EYA1: variants seen among roughly 807,000 people sequenced by gnomAD.
The protein encoded by EYA1 is protein phosphatase EYA1.
A neutral mutation model predicts 82.0 loss-of-function variants in EYA1; 16 were observed. That is an observed-to-expected ratio of 0.20 (90% CI 0.13 to 0.30). The LOEUF is 0.30. EYA1 is among the 10% of genes least tolerant of loss of function. The probability of loss-of-function intolerance (pLI) is 1.00; values close to 1 mark genes in which losing one functional copy is unlikely to be tolerated. For missense variants in EYA1, 633 were observed against 730.7 expected (o/e 0.87, Z 1.54); for synonymous variants, 261 against 264.4 (o/e 0.99, Z 0.12).
intron 2 of EYA1, among the ~76,000 whole-genome samples, chr8:71,449,621 C>G (rs1038727840): frequency 2.0e-5 from 3 of 152,150 alleles, no homozygotes; most frequent in African/African-American, 7.2e-5. Flanking sequence ...CTTGAGAGCC[C>G]TGAGATTTTC....
intron 2 of EYA1, among the ~76,000 whole-genome samples, chr8:71,399,023 G>A (rs535172434): frequency 3.9e-5 from 6 of 152,242 alleles, no homozygotes; most frequent in Non-Finnish European, 8.8e-5. Flanking sequence ...CCTTGCTGCT[G>A]CCTTGCAGTT....
chr8:71,300,724 C>A (rs1820114006), intron 7 of EYA1, among the ~76,000 whole-genome samples: 1 of 152,070 alleles, frequency 6.6e-6, no homozygotes, highest in African/African-American at 2.4e-5. Context: ...AGCCCCAACT[C>A]CATAACAGGT....
At chr8:71,209,976 A>G (rs1237269346) in intron 17 of EYA1, among the ~76,000 whole-genome samples, 2 of 152,196 alleles carry the variant, frequency 1.3e-5, no homozygotes, top group African/African-American at 2.4e-5. Flanking sequence ...AATAGCTACC[A>G]TTTGTTGTAC....
At chr8:71,457,167 T>C (rs554718775) in intron 2 of EYA1, among the ~76,000 whole-genome samples, 15 of 152,252 alleles carry the variant, frequency 9.9e-5, no homozygotes, top group African/African-American at 2.9e-4. Context: ...AAAATGCTCA[T>C]CATCATTGGC....
chr8:71,513,965 C>G (rs1812786000), intron 2 of EYA1, among the ~76,000 whole-genome samples: 1 of 152,106 alleles, frequency 6.6e-6, no homozygotes, highest in African/African-American at 2.4e-5. Flanking sequence ...CAAGATCTCT[C>G]ATTCCTTTTT....
Position 71,361,701 on chromosome 8 carries a change from G to A in EYA1, c.-109C>T, listed in dbSNP as rs1304540368. On this transcript the variant is annotated 5_prime_UTR_variant, in exon 1 of 18. Transcript: ENST00000340726. ...TAATGTGTTCCTTCGAATTTTCTGG[G>A]TTAGCAAACCTCCATTCCTGACATA... 1.0e-6 allele frequency: 1 copy of A among 985,360 alleles called. No homozygotes were observed. Among genetic ancestry groups the A allele is most frequent in the Non-Finnish European group, 1.2e-6 (1 of 829,976 alleles). The allele number at this position is 985,360 out of a possible 1,614,324, so 61.0% of individuals were successfully genotyped here.
chr8:71,462,682 C>A (rs897753014), intron 2 of EYA1, among the ~76,000 whole-genome samples: 1 of 152,202 alleles, frequency 6.6e-6, no homozygotes, highest in African/African-American at 2.4e-5. Flanking sequence ...TCTCCCTGTG[C>A]CCTCCAGGCA....
intron 12 of EYA1, among the ~76,000 whole-genome samples, chr8:71,222,087 C>CTTT (rs757089600): frequency 6.6e-6 from 1 of 152,118 alleles, no homozygotes; most frequent in South Asian, 2.1e-4. Flanking sequence ...GTTCTAAAGC[C>CTTT]TTTTTCAGAA....
At chr8:71,546,511 ATTTTTTT>A (rs35757925) in intron 1 of EYA1, among the ~76,000 whole-genome samples, 7 of 138,534 alleles carry the variant, frequency 5.1e-5, no homozygotes, top group Admixed American at 2.2e-4. Context: ...ACTGATTCTT[ATTTTTTT>A]TTTTTTTTTG....
chr8:71,441,104 G>T (rs1806403053), intron 2 of EYA1, among the ~76,000 whole-genome samples: 1 of 152,038 alleles, frequency 6.6e-6, no homozygotes, highest in Admixed American at 6.6e-5. Flanking sequence ...CAAGGTTTAG[G>T]GATTGAATGA....
chr8:71,531,533 AC>A (rs1181137494), intron 2 of EYA1, among the ~76,000 whole-genome samples: 1 of 152,136 alleles, frequency 6.6e-6, no homozygotes, highest in African/African-American at 2.4e-5. Flanking sequence ...TTTAAAATTC[AC>A]TTTTAAAAAA....
chr8:71,454,728 A>C (rs1251392856), intron 2 of EYA1, among the ~76,000 whole-genome samples: 1 of 152,234 alleles, frequency 6.6e-6, no homozygotes, highest in Non-Finnish European at 1.5e-5. Context: ...CAATGAGAAC[A>C]AAGACACAAC....
At chr8:71,340,024 T>C (rs549713407) in intron 3 of EYA1, among the ~76,000 whole-genome samples, 25 of 152,196 alleles carry the variant, frequency 1.6e-4, no homozygotes, top group Middle Eastern at 3.2e-3. Context: ...ACAGCCACTA[T>C]CCTAATTACC....
chr8:71,413,194 T>C (rs1334447217), intron 2 of EYA1, among the ~76,000 whole-genome samples: 3 of 152,178 alleles, frequency 2.0e-5, no homozygotes, highest in African/African-American at 7.2e-5. Context: ...CTTTAAAATG[T>C]CAAAAAAGTG....
At chr8:71,240,904 C>A (rs1372452928) in intron 12 of EYA1, among the ~76,000 whole-genome samples, 1 of 152,170 alleles carries the variant, frequency 6.6e-6, no homozygotes, top group Admixed American at 6.5e-5. Context: ...CTTTCTCCAA[C>A]CAGTCAGAAA....
chr8:71,435,824 G>T (rs1341030636), intron 2 of EYA1, among the ~76,000 whole-genome samples: 2 of 152,084 alleles, frequency 1.3e-5, no homozygotes, highest in Non-Finnish European at 2.9e-5. Context: ...AGTGTTGGAT[G>T]GATTCAGATA....
intron 3 of EYA1, among the ~76,000 whole-genome samples, chr8:71,348,079 T>C (rs903953343): frequency 3.3e-5 from 5 of 152,146 alleles, no homozygotes; most frequent in Non-Finnish European, 7.3e-5. Context: ...TGACAGATAA[T>C]TTTTTCCTAC....
At chr8:71,421,877 A>C (rs1182989631) in intron 2 of EYA1, among the ~76,000 whole-genome samples, 1 of 152,212 alleles carries the variant, frequency 6.6e-6, no homozygotes, top group Non-Finnish European at 1.5e-5. Flanking sequence ...ATGTGTATAC[A>C]TGTGTGCAAA....
intron 1 of EYA1, chr8:71,547,420 C>A (rs1378915731): frequency 6.6e-6 from 1 of 152,332 alleles, no homozygotes; most frequent in African/African-American, 2.4e-5. Flanking sequence ...CCCGACGCCA[C>A]GGGCCTTGGG....
Sources: gnomAD v4.1 joint callset for allele counts (sites outside exome capture counted in the v4.1 genomes callset) on GRCh38, gnomAD v4.1.1 for gene constraint, MANE v1.5 for transcripts, NCBI Gene and HGNC (gene_info 2026-07-23, HGNC 2026-07-21) for gene names.